PLCL1: variants seen among roughly 807,000 people sequenced by gnomAD.
PLCL1 encodes the protein phospholipase C like 1 (inactive).
A neutral mutation model predicts 84.4 loss-of-function variants in PLCL1; 41 were observed. That is an observed-to-expected ratio of 0.49 (90% CI 0.38 to 0.63). The LOEUF (loss-of-function observed/expected upper bound fraction) is 0.63, where lower values mean the gene tolerates loss of function less well. Ranked by LOEUF, PLCL1 falls within the 30% of genes least tolerant of loss-of-function variation. The pLI is 0.00. For synonymous variants in PLCL1, 490 were observed against 488.3 expected (o/e 1.00, Z -0.05); for missense variants, 1,206 against 1,367.8 (o/e 0.88, Z 1.87).
In PLCL1 at chr2:197,923,306, T is replaced by G. The variant is rs1305367528; in HGVS notation, c.240+117967T>G. 7.4e-5 allele frequency among the ~76,000 whole-genome samples: 11 copies of G among 147,916 alleles called. No individual in the cohort carries two copies. The East Asian group carries it at 2.3e-3, about 31-fold the overall frequency. ...CGGGGTGGCTGCCGGGCGGAGACGCTCCTCACTTCCCAGATGGGGTGGCTG... is the reference window on the plus strand; with the variant it reads ...CGGGGTGGCTGCCGGGCGGAGACGCGCCTCACTTCCCAGATGGGGTGGCTG... On this transcript the variant is annotated intron_variant, in intron 1 of 5. Transcript: ENST00000428675.
intron 1 of PLCL1, among the ~76,000 whole-genome samples, chr2:198,051,025 T>C (rs986988658): frequency 1.3e-5 from 2 of 152,344 alleles, no homozygotes; most frequent in East Asian, 3.9e-4. Flanking sequence ...ACGTAAAGAA[T>C]GAAAATTGTG....
intron 1 of PLCL1, among the ~76,000 whole-genome samples, chr2:198,048,674 C>T (rs1691860807): frequency 6.6e-6 from 1 of 152,188 alleles, no homozygotes; most frequent in Non-Finnish European, 1.5e-5. Context: ...AACTCATTAC[C>T]ATGGGGAGGA....
intron 1 of PLCL1, among the ~76,000 whole-genome samples, chr2:197,890,593 C>A (rs1228370767): frequency 6.7e-6 from 1 of 150,290 alleles, no homozygotes; most frequent in African/African-American, 2.5e-5. Context: ...ATAAACCTAC[C>A]ACCCAGAGAT....
intron 3 of PLCL1, among the ~76,000 whole-genome samples, chr2:198,097,646 T>C (rs2105909477): frequency 6.6e-6 from 1 of 152,338 alleles, no homozygotes; most frequent in African/African-American, 2.4e-5. Flanking sequence ...AAAAATGATC[T>C]GTTTATGCCA....
intron 1 of PLCL1, among the ~76,000 whole-genome samples, chr2:197,949,943 T>C (rs572991875): frequency 1.3e-5 from 2 of 152,252 alleles, no homozygotes; most frequent in East Asian, 3.9e-4. Flanking sequence ...GAGAGGGCTA[T>C]TGGAAGTGGG....
intron 1 of PLCL1, among the ~76,000 whole-genome samples, chr2:198,028,137 G>T (rs951925032): frequency 1.3e-5 from 2 of 152,010 alleles, no homozygotes; most frequent in African/African-American, 4.8e-5. Context: ...TGCCATGTGC[G>T]GCCAGGAACT....
chr2:197,923,960 G>T (rs1375836483), intron 1 of PLCL1, among the ~76,000 whole-genome samples: 2 of 151,836 alleles, frequency 1.3e-5, no homozygotes, highest in South Asian at 2.1e-4. Context: ...GCTGGAGACC[G>T]GCCCGGCCAA....
intron 5 of PLCL1, among the ~76,000 whole-genome samples, chr2:198,133,082 G>A (rs1005320950): frequency 2.6e-5 from 4 of 151,996 alleles, no homozygotes; most frequent in African/African-American, 9.7e-5. Context: ...TTGTTAAATA[G>A]GGAATCCTTT....
In PLCL1 at chr2:198,085,899, C is replaced by G. The variant is rs1692865279; in HGVS notation, c.2382C>G (p.Ile794Met). 1 of 1,613,940 alleles carries G rather than the reference C, an allele frequency of 6.2e-7. No individual in the cohort carries two copies. The highest frequency in any genetic ancestry group is 1.3e-5 in the African/African-American group (1 of 74,906). The change falls in exon 2 of 6, where the codon ATC (isoleucine) becomes ATG (methionine). Residue 794 changes from isoleucine (I) to methionine (M), a missense_variant. By Grantham distance (10) the Ile-to-Met change is conservative. Coordinates refer to ENST00000428675, the MANE Select transcript of PLCL1 (RefSeq NM_006226.4). This position sits in a 1 kb window ranked among gnomAD's most constrained non-coding sequence, Gnocchi z 5.3. ...FQVNLPELAM[I>M]RFVVLDDDYI... ...TAAACCTACCTGAGCTGGCCATGAT[C>G]CGTTTTGTTGTTCTGGATGATGACT... is the stretch of plus-strand genomic sequence containing the variant.
chr2:197,947,241 T>TAA (rs1396315133), intron 1 of PLCL1, among the ~76,000 whole-genome samples: 1 of 140,938 alleles, frequency 7.1e-6, no homozygotes, highest in Non-Finnish European at 1.6e-5. Context: ...TAGATAAATA[T>TAA]ATATATATAT....
intron 1 of PLCL1, chr2:197,810,328 G>A (rs1372887190): frequency 8.4e-7 from 1 of 1,186,378 alleles, no homozygotes; most frequent in African/African-American, 1.6e-5. Flanking sequence ...TTCAGGTAAA[G>A]AGCTTTGTCT....
At chr2:198,078,203 C>G (rs1437406242) in intron 1 of PLCL1, among the ~76,000 whole-genome samples, 1 of 152,148 alleles carries the variant, frequency 6.6e-6, no homozygotes, top group Admixed American at 6.6e-5. Context: ...TTCCTCCAAA[C>G]TCTGTAATGT....
intron 5 of PLCL1, among the ~76,000 whole-genome samples, chr2:198,110,196 A>G (rs919804583): frequency 6.6e-6 from 1 of 151,876 alleles, no homozygotes; most frequent in African/African-American, 2.4e-5. Context: ...ATGCATTCCA[A>G]TGTGTGCCAT....
At chr2:197,977,685 G>A (rs537187632) in intron 1 of PLCL1, among the ~76,000 whole-genome samples, 1 of 152,082 alleles carries the variant, frequency 6.6e-6, no homozygotes, top group Admixed American at 6.5e-5. Context: ...TGAAGCTGGC[G>A]CTGAGTGTGG....
At chr2:198,124,969 C>A (rs1312850488) in intron 5 of PLCL1, among the ~76,000 whole-genome samples, 1 of 152,046 alleles carries the variant, frequency 6.6e-6, no homozygotes, top group Admixed American at 6.5e-5. Flanking sequence ...TCCTCAGGGG[C>A]ATTCGTCACA....
chr2:197,948,202 G>T (rs1048074812), intron 1 of PLCL1, among the ~76,000 whole-genome samples: 6 of 152,118 alleles, frequency 3.9e-5, no homozygotes, highest in African/African-American at 1.4e-4. Context: ...GAGAGTGAGT[G>T]AATTCAAAGA....
chr2:197,925,808 T>C (rs562109868), intron 1 of PLCL1, among the ~76,000 whole-genome samples: 2 of 144,126 alleles, frequency 1.4e-5, no homozygotes, highest in Non-Finnish European at 3.1e-5. Context: ...ACCTTTGTCA[T>C]TAACCCTTTT....
chr2:198,117,129 G>A (rs1349967712), intron 5 of PLCL1, among the ~76,000 whole-genome samples: 2 of 151,582 alleles, frequency 1.3e-5, no homozygotes, highest in Non-Finnish European at 2.9e-5. Flanking sequence ...CCTTTTCTTG[G>A]GTCAAAAAAC....
chr2:198,068,103 T>A (rs1692362697), intron 1 of PLCL1, among the ~76,000 whole-genome samples: 2 of 152,226 alleles, frequency 1.3e-5, no homozygotes, highest in South Asian at 4.1e-4. Flanking sequence ...GTCAAGTATT[T>A]TTTTTAAAGA....
Sources: allele counts gnomAD v4.1 joint callset (sites outside exome capture counted in the v4.1 genomes callset), GRCh38; gene constraint gnomAD v4.1.1; non-coding constraint Gnocchi (gnomAD v3.1); transcripts MANE v1.5; gene names NCBI Gene and HGNC (gene_info 2026-07-23, HGNC 2026-07-21).